ADGRL2: variants seen among roughly 807,000 people sequenced by gnomAD.
ADGRL2 encodes calcium-independent alpha-latrotoxin receptor 2.
In ADGRL2, 44 loss-of-function variants were observed where a neutral mutation model predicts 157.4. That is an observed-to-expected ratio of 0.28 (90% CI 0.22 to 0.36). ADGRL2 has a LOEUF of 0.36. Among genes scored for constraint, ADGRL2 ranks in the 10% least tolerant of loss-of-function variants. The pLI is 1.00. For missense variants in ADGRL2, 1,510 were observed against 1,768.9 expected (o/e 0.85, Z 2.63); for synonymous variants, 585 against 624.7 (o/e 0.94, Z 0.95).
At chr1:81,760,221 T>C (rs1438497099) in intron 1 of ADGRL2, among the ~76,000 whole-genome samples, 3 of 152,094 alleles carry the variant, frequency 2.0e-5, no homozygotes, top group African/African-American at 7.2e-5. Flanking sequence ...GACTTGGTTG[T>C]AAATTTGACT....
Position 81,574,814 on chromosome 1 carries a change from C to T in ADGRL2, c.-247-6062C>T, listed in dbSNP as rs1490198778. On this transcript the variant is annotated intron_variant, in intron 2 of 24. Transcript: ENST00000370721. ...TGAGGGAAAGCAGGACAAACTTGAA[C>T]ATTAGGAAACTTCCAAAATAAATGC... 3.3e-5 allele frequency among the ~76,000 whole-genome samples: 5 copies of T among 152,242 alleles called. No individual in the cohort carries two copies. In the South Asian group the frequency reaches 6.2e-4, roughly 19 times the overall value.
chr1:81,984,537 C>G (rs746761153), intron 19 of ADGRL2, 46 bp from the exon 20 acceptor site: 5 of 1,439,420 alleles, frequency 3.5e-6, no homozygotes, highest in African/African-American at 1.4e-5. Context: ...GAGAGAGAAG[C>G]AAGTGTGTTA....
intron 11 of ADGRL2, among the ~76,000 whole-genome samples, chr1:81,958,271 C>T (rs1654232194): frequency 6.8e-6 from 1 of 147,204 alleles, no homozygotes; most frequent in South Asian, 2.2e-4. Context: ...AAAAAAAGGT[C>T]ATTTTACATA....
chr1:81,410,193 T>C lies in ADGRL2; in HGVS notation c.-301-34843T>C, dbSNP rs148961224. 3.8e-3 allele frequency among the ~76,000 whole-genome samples: 580 copies of C among 152,356 alleles called. 3 individuals carry two copies. The highest frequency in any genetic ancestry group is 0.013 in the African/African-American group (560 of 41,576). Reference sequence around the variant, plus strand: ...TACATTGGGATTTATTATACGATGCTTCAATTAGCATTCTGCCATTCTTTT... The same window carrying C: ...TACATTGGGATTTATTATACGATGCCTCAATTAGCATTCTGCCATTCTTTT... On this transcript the variant is annotated intron_variant, in intron 1 of 24. Transcript: ENST00000370721.
rs139815553 is a variant in ADGRL2, at chr1:81,849,314, G to A, written c.73+12257G>A. On this transcript the variant is annotated intron_variant, in intron 2 of 23. Coordinates refer to ENST00000686636, the MANE Select transcript of ADGRL2 (RefSeq NM_001366006.2). The stretch of plus-strand genomic sequence containing the variant: ...GCACTGAAATACTAAATACAGCCTA[G>A]AAGAACAAAGCATATTTAAAAGCAT... 4.6e-3 allele frequency among the ~76,000 whole-genome samples: 693 copies of A among 151,940 alleles called. 3 individuals carry two copies. The highest frequency in any genetic ancestry group is 7.7e-3 in the Non-Finnish European group (520 of 67,832).
chr1:81,942,271 G>GT (rs1439447339), intron 5 of ADGRL2, among the ~76,000 whole-genome samples: 1 of 151,736 alleles, frequency 6.6e-6, no homozygotes, highest in Non-Finnish European at 1.5e-5. Flanking sequence ...CCCTTTCTCT[G>GT]TTTCTTTTTT....
At chr1:81,640,632 AAAATAAATAAATAAAT>A (rs3045494) in intron 3 of ADGRL2, among the ~76,000 whole-genome samples, 7 of 139,584 alleles carry the variant, frequency 5.0e-5, no homozygotes, top group Non-Finnish European at 7.7e-5. Context: ...CTCCATCTCA[AAAATAAATAAATAAAT>A]AAATAAATAA....
At chr1:81,714,944 A>T (rs1443766510) in intron 1 of ADGRL2, among the ~76,000 whole-genome samples, 9 of 151,710 alleles carry the variant, frequency 5.9e-5, no homozygotes. Flanking sequence ...AGAATAGCTT[A>T]TAATTTCTTT....
chr1:81,618,901 G>A (rs2081725851), intron 3 of ADGRL2, among the ~76,000 whole-genome samples: 1 of 151,702 alleles, frequency 6.6e-6, no homozygotes, highest in Non-Finnish European at 1.5e-5. Context: ...GCATGTCTAG[G>A]TTGAGTTCTG....
chr1:81,655,950 G>A (rs193247760), intron 3 of ADGRL2, among the ~76,000 whole-genome samples: 57 of 152,294 alleles, frequency 3.7e-4, no homozygotes, highest in African/African-American at 1.3e-3. Flanking sequence ...CAAAGGTTCA[G>A]GACTGCCAGA....
intron 3 of ADGRL2, chr1:81,625,698 A>C (rs2081895729): frequency 6.6e-6 from 1 of 152,192 alleles, no homozygotes; most frequent in Non-Finnish European, 1.5e-5. Context: ...CAAAGTATTA[A>C]AATTTTGCCT....
intron 1 of ADGRL2, among the ~76,000 whole-genome samples, chr1:81,423,451 C>T (rs185314258): frequency 1.3e-5 from 2 of 152,200 alleles, no homozygotes; most frequent in East Asian, 1.9e-4. Flanking sequence ...CACATCGCGA[C>T]GGCCCAGAAT....
intron 3 of ADGRL2, among the ~76,000 whole-genome samples, chr1:81,589,524 A>G (rs576275704): frequency 6.6e-6 from 1 of 152,316 alleles, no homozygotes; most frequent in East Asian, 1.9e-4. Context: ...CACATGCAGC[A>G]TAACAGCTGT....
chr1:81,430,539 G>A (rs1272197465), intron 1 of ADGRL2, among the ~76,000 whole-genome samples: 1 of 152,130 alleles, frequency 6.6e-6, no homozygotes, highest in Non-Finnish European at 1.5e-5. Flanking sequence ...GTGGCATGCT[G>A]GTGTAAAAGT....
chr1:81,476,439 A>T (rs1485171201), intron 2 of ADGRL2, among the ~76,000 whole-genome samples: 1 of 152,164 alleles, frequency 6.6e-6, no homozygotes. Flanking sequence ...AGAAGAAGAG[A>T]AAAAGATGGA....
At chr1:81,526,457 T>G (rs1215414891) in intron 2 of ADGRL2, among the ~76,000 whole-genome samples, 2 of 152,216 alleles carry the variant, frequency 1.3e-5, no homozygotes, top group Non-Finnish European at 2.9e-5. Flanking sequence ...TAAAAAGATA[T>G]GTATATATTT....
At chr1:81,671,753 T>C (rs546108215) in intron 3 of ADGRL2, among the ~76,000 whole-genome samples, 1 of 152,316 alleles carries the variant, frequency 6.6e-6, no homozygotes, top group African/African-American at 2.4e-5. Context: ...CCTCAGGTGA[T>C]CCACCCACCT....
intron 2 of ADGRL2, among the ~76,000 whole-genome samples, chr1:81,510,247 TATA>T (rs2079051448): frequency 6.6e-6 from 1 of 152,120 alleles, no homozygotes; most frequent in African/African-American, 2.4e-5. Context: ...GAAAACTGAA[TATA>T]ATAATAATAT....
intron 3 of ADGRL2, among the ~76,000 whole-genome samples, chr1:81,930,416 C>G (rs1451916222): frequency 6.6e-6 from 1 of 151,882 alleles, no homozygotes; most frequent in African/African-American, 2.4e-5. Flanking sequence ...TTTTTGAGAA[C>G]ATTTATCTTA....
Sources: allele counts gnomAD v4.1 joint callset (sites outside exome capture counted in the v4.1 genomes callset), GRCh38; gene constraint gnomAD v4.1.1; transcripts MANE v1.5; gene names NCBI Gene and HGNC (gene_info 2026-07-23, HGNC 2026-07-21).